Variants in TMEM108 observed in about 807,000 individuals in gnomAD.
TMEM108 encodes the protein transmembrane protein 108, also known as cancer/testis antigen 124.
In TMEM108, 12 loss-of-function variants were observed where a neutral mutation model predicts 35.1. That is an observed-to-expected ratio of 0.34 (90% CI 0.22 to 0.55). The LOEUF is 0.55. Ranked by LOEUF, TMEM108 falls within the 20% of genes least tolerant of loss-of-function variation. The pLI is 0.89. For synonymous variants in TMEM108, 287 were observed against 308.6 expected, an observed-to-expected ratio of 0.93 and a Z score of 0.73; for missense variants, 680 against 753.3, an observed-to-expected ratio of 0.90 and a Z score of 1.14.
intron 2 of TMEM108, among the ~76,000 whole-genome samples, chr3:133,189,172 A>C (rs1270478422): frequency 6.6e-6 from 1 of 152,232 alleles, no homozygotes; most frequent in African/African-American, 2.4e-5. Context: ...ATGTACTCCT[A>C]GTCCCAGAGA....
At chr3:133,069,353 A>G (rs1943649207) in intron 2 of TMEM108, among the ~76,000 whole-genome samples, 1 of 152,172 alleles carries the variant, frequency 6.6e-6, no homozygotes, top group Non-Finnish European at 1.5e-5. Flanking sequence ...GTTCTTTTTT[A>G]AAATAAACTA....
chr3:133,200,478 C>T (rs1476698652), intron 2 of TMEM108, among the ~76,000 whole-genome samples: 1 of 152,174 alleles, frequency 6.6e-6, no homozygotes, highest in Non-Finnish European at 1.5e-5. Flanking sequence ...TCACAGTGGC[C>T]ATGATGTCCA....
At chr3:133,043,606 A>T (rs1943301041) in intron 1 of TMEM108, among the ~76,000 whole-genome samples, 1 of 152,112 alleles carries the variant, frequency 6.6e-6, no homozygotes, top group East Asian at 1.9e-4. Context: ...CATGCATACT[A>T]AGAGGCTCCC....
At chr3:133,106,504 A>G (rs896047647) in intron 2 of TMEM108, among the ~76,000 whole-genome samples, 3 of 152,202 alleles carry the variant, frequency 2.0e-5, no homozygotes, top group African/African-American at 4.8e-5. Flanking sequence ...AGGGTGGCCA[A>G]CCATGATCCC....
intron 3 of TMEM108, among the ~76,000 whole-genome samples, chr3:133,237,027 T>A (rs1327138730): frequency 1.3e-5 from 2 of 152,146 alleles, no homozygotes; most frequent in Admixed American, 1.3e-4. Flanking sequence ...TGAAGTGATT[T>A]GGTATTGTTT....
At chr3:133,235,440 A>G (rs1946221438) in intron 3 of TMEM108, among the ~76,000 whole-genome samples, 1 of 152,230 alleles carries the variant, frequency 6.6e-6, no homozygotes, top group Non-Finnish European at 1.5e-5. Context: ...GCCCTCAGAA[A>G]TAACGCTGCA....
chr3:133,094,912 G>A (rs1576315344), intron 2 of TMEM108, among the ~76,000 whole-genome samples: 2 of 152,074 alleles, frequency 1.3e-5, no homozygotes, highest in African/African-American at 2.4e-5. Context: ...GGTTTAATTT[G>A]TATCCCAATG....
chr3:133,196,686 A>G (rs1456277093), intron 2 of TMEM108, among the ~76,000 whole-genome samples: 2 of 152,212 alleles, frequency 1.3e-5, no homozygotes, highest in African/African-American at 4.8e-5. Context: ...CATCTCAAGT[A>G]ACAAGAAGTG....
chr3:133,056,244 G>T lies in TMEM108; in HGVS notation c.-47+10224G>T, dbSNP rs908341821. On this transcript the variant is annotated intron_variant, in intron 2 of 5. Transcript: ENST00000321871. The stretch of plus-strand genomic sequence containing the variant: ...GAATTTCTTTCTACTCTTTCTATGC[G>T]CAAACATCTTTTACCCAAACTGGTC... Among the ~76,000 whole-genome samples, 6 of 149,632 alleles carry T rather than the reference G, an allele frequency of 4.0e-5. No homozygotes were observed. The South Asian group carries it at 6.4e-4, about 16-fold the overall frequency.
At chr3:133,319,272 G>A (rs1035839423) in intron 3 of TMEM108, among the ~76,000 whole-genome samples, 4 of 152,108 alleles carry the variant, frequency 2.6e-5, no homozygotes, top group African/African-American at 7.2e-5. Context: ...AGCCAATCAC[G>A]AAAGACATAA....
At chr3:133,319,614 A>G (rs779971412) in intron 3 of TMEM108, among the ~76,000 whole-genome samples, 4 of 152,224 alleles carry the variant, frequency 2.6e-5, no homozygotes, top group Non-Finnish European at 5.9e-5. Flanking sequence ...AAGGACTCTC[A>G]CAGAGTCTAC....
intron 3 of TMEM108, among the ~76,000 whole-genome samples, chr3:133,229,827 A>G (rs1352171224): frequency 6.6e-6 from 1 of 152,212 alleles, no homozygotes; most frequent in Non-Finnish European, 1.5e-5. Flanking sequence ...TGTTATGCAT[A>G]GCTATACATG....
chr3:133,355,725 A>G (rs35128664), intron 3 of TMEM108, among the ~76,000 whole-genome samples: 20,964 of 152,182 alleles, frequency 0.14, 1,540 homozygotes, highest in South Asian at 0.22. Flanking sequence ...GATGCTTGCA[A>G]AAAGATTGGC....
intron 3 of TMEM108, among the ~76,000 whole-genome samples, chr3:133,370,861 C>A (rs141689062): frequency 1.4e-3 from 188 of 131,878 alleles, no homozygotes; most frequent in African/African-American, 4.7e-3. Flanking sequence ...CGTCTGTTTC[C>A]CCAGCCCATA....
intron 2 of TMEM108, among the ~76,000 whole-genome samples, chr3:133,061,212 CTTTTTTTTT>C (rs778632376): frequency 7.7e-6 from 1 of 130,008 alleles, no homozygotes; most frequent in African/African-American, 2.9e-5. Context: ...GGCATGTCTC[CTTTTTTTTT>C]TTTTTTTTGA....
intron 2 of TMEM108, among the ~76,000 whole-genome samples, chr3:133,150,415 T>C (rs1944783534): frequency 6.7e-6 from 1 of 148,810 alleles, no homozygotes; most frequent in Admixed American, 6.8e-5. Flanking sequence ...CTATTAGATA[T>C]ATGATATCAG....
chr3:133,342,607 T>C (rs1417670022), intron 3 of TMEM108, among the ~76,000 whole-genome samples: 6 of 127,060 alleles, frequency 4.7e-5, no homozygotes, highest in Non-Finnish European at 1.0e-4. Context: ...TGAAAATTCA[T>C]GGCAACACAA....
intron 2 of TMEM108, among the ~76,000 whole-genome samples, chr3:133,155,901 T>C (rs1031634321): frequency 6.6e-6 from 1 of 152,098 alleles, no homozygotes; most frequent in African/African-American, 2.4e-5. Context: ...ATTTTTGTTA[T>C]GAAATTTTTG....
At chr3:133,253,306 A>T (rs755145693) in intron 3 of TMEM108, 1 of 152,178 alleles carries the variant, frequency 6.6e-6, no homozygotes, top group Admixed American at 6.5e-5. Context: ...CTTGTTGATC[A>T]TTTCACCTTT....
Sources: allele counts gnomAD v4.1 joint callset (sites outside exome capture counted in the v4.1 genomes callset), GRCh38; gene constraint gnomAD v4.1.1; transcripts MANE v1.5; gene names NCBI Gene and HGNC (gene_info 2026-07-23, HGNC 2026-07-21).